Variants in ADGRV1 observed in about 807,000 individuals in gnomAD.
The protein encoded by ADGRV1 is G-protein coupled receptor 98.
Under a neutral mutation model 596.2 loss-of-function variants are expected in ADGRV1, and 359 were observed. That is an observed-to-expected ratio of 0.60 (90% confidence interval 0.55 to 0.66). ADGRV1 has a LOEUF of 0.66. Among genes scored for constraint, ADGRV1 ranks in the 30% least tolerant of loss-of-function variants. The pLI is 0.00. For synonymous variants in ADGRV1, 2,681 were observed against 2,679.2 expected (o/e 1.00, Z -0.02); for missense variants, 7,274 against 7,575.6 (o/e 0.96, Z 1.48).
chr5:90,909,631 A>AAG (rs939179790), intron 83 of ADGRV1, among the ~76,000 whole-genome samples: 7 of 114,304 alleles, frequency 6.1e-5, no homozygotes, highest in East Asian at 3.9e-4. Flanking sequence ...AAAGAAAAAA[A>AAG]AGAGAGAGAG....
At chr5:90,641,761 A>G (rs1254834516) in intron 11 of ADGRV1, among the ~76,000 whole-genome samples, 1 of 152,150 alleles carries the variant, frequency 6.6e-6, no homozygotes, top group Non-Finnish European at 1.5e-5. Flanking sequence ...TTTTGGTTCA[A>G]TAGGACGTGA....
intron 85 of ADGRV1, among the ~76,000 whole-genome samples, chr5:91,018,691 C>T (rs990969833): frequency 1.3e-5 from 2 of 151,954 alleles, no homozygotes; most frequent in Non-Finnish European, 2.9e-5. Context: ...CTTTATGAAG[C>T]TGTCTTCTAA....
chr5:90,763,077 C>T (rs1293653829), intron 58 of ADGRV1: 26 of 430,270 alleles, frequency 6.0e-5, no homozygotes, highest in Non-Finnish European at 8.8e-5. Context: ...AGAATTCAGT[C>T]ACATGCTCTA....
At chr5:90,689,816 G>C in intron 29 of ADGRV1, 45 bp from the exon 30 acceptor site, 2 of 1,361,082 alleles carry the variant, frequency 1.5e-6, no homozygotes, top group Non-Finnish European at 2.1e-6. Context: ...GGAATGTTTT[G>C]ATCATATTTT....
At chr5:90,588,642 G>A (rs748425472) in intron 1 of ADGRV1, among the ~76,000 whole-genome samples, 2 of 152,228 alleles carry the variant, frequency 1.3e-5, no homozygotes, top group Non-Finnish European at 2.9e-5. Context: ...AAAACCAGAG[G>A]AGTGTGGTGT....
At chr5:90,920,810 C>T (rs1184987438) in intron 83 of ADGRV1, among the ~76,000 whole-genome samples, 3 of 152,120 alleles carry the variant, frequency 2.0e-5, no homozygotes, top group Non-Finnish European at 1.5e-5. Context: ...ACTCAGTTCC[C>T]CTGTACTTAC....
At chr5:91,140,398 T>C (rs72784676) in intron 87 of ADGRV1, among the ~76,000 whole-genome samples, 237 of 152,300 alleles carry the variant, frequency 1.6e-3, no homozygotes, top group Non-Finnish European at 2.7e-3. Flanking sequence ...AAAAAGGTAA[T>C]TAAAGGACAC....
intron 83 of ADGRV1, among the ~76,000 whole-genome samples, chr5:90,870,293 G>A (rs922530581): frequency 3.3e-5 from 5 of 152,152 alleles, no homozygotes; most frequent in Admixed American, 1.3e-4. Flanking sequence ...ACAACCAGAT[G>A]AGATGGGTAC....
At chr5:90,832,787 A>G (rs1057221865) in intron 77 of ADGRV1, among the ~76,000 whole-genome samples, 1 of 152,190 alleles carries the variant, frequency 6.6e-6, no homozygotes, top group Non-Finnish European at 1.5e-5. Context: ...ATGGTGAGAG[A>G]TAGGGATCTA....
intron 85 of ADGRV1, among the ~76,000 whole-genome samples, chr5:91,035,768 A>C (rs1784806879): frequency 6.7e-6 from 1 of 149,022 alleles, no homozygotes; most frequent in Admixed American, 6.7e-5. Flanking sequence ...TGGTTTCCTC[A>C]TCTATAACAT....
intron 73 of ADGRV1, among the ~76,000 whole-genome samples, chr5:90,809,797 A>G (rs891999163): frequency 3.3e-5 from 5 of 152,238 alleles, no homozygotes; most frequent in Non-Finnish European, 7.3e-5. Context: ...GGTTAGTTCC[A>G]TTACTGGCAG....
intron 45 of ADGRV1, among the ~76,000 whole-genome samples, chr5:90,721,656 G>GA (rs1223021580): frequency 6.6e-6 from 1 of 151,538 alleles, no homozygotes; most frequent in African/African-American, 2.4e-5. Flanking sequence ...AGGGGATGGG[G>GA]GTGACAGAAA....
chr5:90,900,990 A>C (rs1771785818), intron 83 of ADGRV1, among the ~76,000 whole-genome samples: 1 of 151,924 alleles, frequency 6.6e-6, no homozygotes, highest in South Asian at 2.1e-4. Flanking sequence ...GTAGAATTTT[A>C]TTTCTATATG....
intron 87 of ADGRV1, among the ~76,000 whole-genome samples, chr5:91,144,563 C>T (rs1795373815): frequency 6.6e-6 from 1 of 152,194 alleles, no homozygotes; most frequent in African/African-American, 2.4e-5. Flanking sequence ...ACCTTGGTCT[C>T]CCAAGCCACT....
chr5:91,151,662 A>G (rs1335976763), intron 88 of ADGRV1, among the ~76,000 whole-genome samples: 1 of 152,202 alleles, frequency 6.6e-6, no homozygotes, highest in Non-Finnish European at 1.5e-5. Context: ...GAACTGTTCA[A>G]TACAATAACC....
In ADGRV1 at chr5:90,647,848, A is replaced by G. The variant is rs1768022774; in HGVS notation, c.3289+84A>G. On this transcript the variant is annotated intron_variant, in intron 17 of 89. Coordinates refer to ENST00000405460, the MANE Select transcript of ADGRV1 (RefSeq NM_032119.4). ...TAAGCACTGCAGTCCAATAATGAGG[A>G]CAAGTAGGGCCTAACTACATTTGTA... The G allele has an allele frequency of 2.5e-6, 3 of 1,182,178 alleles. No homozygotes were observed. The South Asian group carries it at 4.3e-5, about 17-fold the overall frequency. The allele number at this position is 1,182,178 out of a possible 1,614,324, so 73.2% of individuals were successfully genotyped here. A position where few individuals can be genotyped will look rare whatever the true frequency, so the allele number is the denominator to read the frequency against.
At chr5:91,112,398 T>A (rs1792451638) in intron 87 of ADGRV1, among the ~76,000 whole-genome samples, 1 of 152,218 alleles carries the variant, frequency 6.6e-6, no homozygotes, top group South Asian at 2.1e-4. Flanking sequence ...TCTTAAACAA[T>A]GTGTTAATAA....
At chr5:90,950,104 T>A (rs1009015622) in intron 83 of ADGRV1, among the ~76,000 whole-genome samples, 10 of 152,196 alleles carry the variant, frequency 6.6e-5, no homozygotes, top group African/African-American at 2.4e-4. Context: ...AATGTAGTAA[T>A]GAACAGACTT....
rs1767977389 is a variant in ADGRV1 at position 90,865,205 on chromosome 5, T to C, written c.17856+1348T>C. On this transcript the variant is annotated intron_variant, in intron 83 of 89. Coordinates refer to ENST00000405460, the MANE Select transcript of ADGRV1 (RefSeq NM_032119.4). Reference sequence around the variant, plus strand: ...GGTTACCAAAGGGGCTTGCTTTGAATTTCACAAGGCTATTTATATTGCCTT... The same window carrying C: ...GGTTACCAAAGGGGCTTGCTTTGAACTTCACAAGGCTATTTATATTGCCTT... Among the ~76,000 whole-genome samples the C allele has an allele frequency of 2.0e-5, 3 of 152,150 alleles. No homozygotes were observed. The South Asian group carries it at 6.2e-4, about 32-fold the overall frequency.
Sources: allele counts gnomAD v4.1 joint callset (sites outside exome capture counted in the v4.1 genomes callset), GRCh38; gene constraint gnomAD v4.1.1; transcripts MANE v1.5; gene names NCBI Gene and HGNC (gene_info 2026-07-23, HGNC 2026-07-21).